DIAPH2: variants seen among roughly 807,000 people sequenced by gnomAD.
The protein encoded by DIAPH2 is diaphanous related formin 2.
DIAPH2 carries 35 observed loss-of-function variants against 92.7 expected under a neutral mutation model. That is an observed-to-expected ratio of 0.38 (90% CI 0.29 to 0.50). The LOEUF (loss-of-function observed/expected upper bound fraction) is 0.50, where lower values mean the gene tolerates loss of function less well. DIAPH2 is among the 20% of genes least tolerant of loss of function. The pLI is 0.94. For synonymous variants in DIAPH2, 301 were observed against 280.4 expected, an observed-to-expected ratio of 1.07 and a Z score of -0.73; for missense variants, 701 against 819.5, an observed-to-expected ratio of 0.86 and a Z score of 1.77.
chrX:97,280,029 G>T (rs1262660898), intron 23 of DIAPH2, among the ~76,000 whole-genome samples: 1 of 111,132 alleles, frequency 9.0e-6, no homozygotes, highest in Non-Finnish European at 1.9e-5. Flanking sequence ...TAAAATCCTG[G>T]AATTTTCTTT....
chrX:96,836,707 ATATATATATATTTTTTTTTTTT>A (rs1447018212), intron 4 of DIAPH2, among the ~76,000 whole-genome samples: 3 of 24,069 alleles, frequency 1.2e-4, no homozygotes, highest in African/African-American at 5.7e-4. Flanking sequence ...ATATATATAT[ATATATATATATTTTTTTTTTTT>A]TTTTTTTTTT....
chrX:97,413,292 C>G (rs896671104), intron 25 of DIAPH2, among the ~76,000 whole-genome samples: 5 of 110,877 alleles, frequency 4.5e-5, no homozygotes, highest in African/African-American at 6.6e-5. Flanking sequence ...TAAACAGAAC[C>G]AAAAACAAAA....
chrX:96,964,451 A>G (rs1034497484), intron 16 of DIAPH2, among the ~76,000 whole-genome samples: 2 of 111,296 alleles, frequency 1.8e-5, no homozygotes, highest in Non-Finnish European at 3.8e-5. Context: ...GTGTATTGGA[A>G]GATAAAGTTC....
chrX:97,002,866 G>A (rs2066153971), intron 17 of DIAPH2, among the ~76,000 whole-genome samples: 1 of 110,354 alleles, frequency 9.1e-6, no homozygotes, highest in South Asian at 3.9e-4. Flanking sequence ...TCACCCTCTT[G>A]TGCTATCAAA....
At chrX:96,904,585 A>C (rs2065420488) in intron 5 of DIAPH2, among the ~76,000 whole-genome samples, 1 of 111,720 alleles carries the variant, frequency 9.0e-6, no homozygotes, top group African/African-American at 3.2e-5. Context: ...TATTTAGCCG[A>C]ACAAATTTTC....
At chrX:97,186,529 C>T (rs1011555724) in intron 22 of DIAPH2, among the ~76,000 whole-genome samples, 1 of 111,880 alleles carries the variant, frequency 8.9e-6, no homozygotes, top group African/African-American at 3.2e-5. Flanking sequence ...AGTAGTTTGG[C>T]ATCAGTTATT....
At chrX:97,077,796 C>T (rs973568732) in intron 19 of DIAPH2, among the ~76,000 whole-genome samples, 2 of 111,951 alleles carry the variant, frequency 1.8e-5, no homozygotes, top group Non-Finnish European at 3.8e-5. Context: ...TAAATTTAAG[C>T]TAGAAAATGA....
intron 26 of DIAPH2, among the ~76,000 whole-genome samples, chrX:97,547,124 G>A (rs980641333): frequency 9.0e-6 from 1 of 111,566 alleles, no homozygotes; most frequent in Non-Finnish European, 1.9e-5. Flanking sequence ...TTGACATGAA[G>A]GAATGAGATC....
chrX:97,153,075 C>T (rs1034768173), intron 22 of DIAPH2, among the ~76,000 whole-genome samples: 3 of 111,636 alleles, frequency 2.7e-5, no homozygotes, highest in Non-Finnish European at 5.6e-5. Flanking sequence ...CCTATTTCCT[C>T]ATTTGTACAA....
intron 4 of DIAPH2, among the ~76,000 whole-genome samples, chrX:96,848,185 G>C (rs1056796304): frequency 9.0e-6 from 1 of 110,684 alleles, no homozygotes; most frequent in Non-Finnish European, 1.9e-5. Context: ...GAGAATAGGT[G>C]CACAACACCA....
At position 97,044,845 on chromosome X, in the gene DIAPH2, T is replaced by C. The variant is rs896050066; in HGVS notation, c.2051-28096T>C. 3.6e-5 allele frequency among the ~76,000 whole-genome samples: 4 copies of C among 111,692 alleles called. No homozygotes were observed. The Admixed American group carries it at 3.8e-4, about 11-fold the overall frequency. On this transcript the variant is annotated intron_variant, in intron 17 of 26. Coordinates refer to ENST00000324765, the MANE Select transcript of DIAPH2 (RefSeq NM_006729.5). ...TTCTATTAGTCACTGTCTTACATTG[T>C]CATCTCACTCTCAGTCCCTTCCGAT...
chrX:97,575,741 T>C (rs750749045), intron 26 of DIAPH2, among the ~76,000 whole-genome samples: 4 of 111,477 alleles, frequency 3.6e-5, no homozygotes, highest in African/African-American at 1.3e-4. Flanking sequence ...AAATGCAGAG[T>C]TGAGATCCAT....
In DIAPH2 at chrX:97,380,937, T is replaced by C. The variant is rs971229103; in HGVS notation, c.3010-2972T>C. 3.6e-5 allele frequency among the ~76,000 whole-genome samples: 4 copies of C among 111,709 alleles called. No individual in the cohort carries two copies. The Admixed American group carries it at 3.8e-4, about 11-fold the overall frequency. On this transcript the variant is annotated intron_variant, in intron 24 of 26. Transcript: ENST00000324765. ...AAAGATTACACATTGCCATTACAAA[T>C]TGTGATTGTTTTGTAGTTAAATCTA...
chrX:97,413,078 C>A (rs915454589), intron 25 of DIAPH2, among the ~76,000 whole-genome samples: 16 of 111,688 alleles, frequency 1.4e-4, no homozygotes, highest in African/African-American at 4.9e-4. Context: ...ATCCTGATAC[C>A]AAAGCCTGGC....
intron 21 of DIAPH2, among the ~76,000 whole-genome samples, chrX:97,133,567 G>A (rs376238509): frequency 2.7e-5 from 3 of 112,118 alleles, no homozygotes; most frequent in Non-Finnish European, 5.6e-5. Flanking sequence ...GATTATAGGC[G>A]TGAGCCACTA....
intron 15 of DIAPH2, among the ~76,000 whole-genome samples, chrX:96,952,591 C>T (rs779165820): frequency 3.8e-4 from 42 of 109,534 alleles, no homozygotes; most frequent in African/African-American, 1.3e-3. Context: ...AAAAATTAGC[C>T]GGGAGTGGTG....
intron 24 of DIAPH2, among the ~76,000 whole-genome samples, chrX:97,372,837 C>T (rs1386970803): frequency 9.0e-6 from 1 of 110,517 alleles, no homozygotes; most frequent in African/African-American, 3.3e-5. Context: ...ATTAGCTGGG[C>T]GTGGTGTCGC....
At chrX:96,743,006 TAC>T (rs1054338666) in intron 3 of DIAPH2, among the ~76,000 whole-genome samples, 2 of 112,749 alleles carry the variant, frequency 1.8e-5, no homozygotes, top group African/African-American at 6.4e-5. Context: ...GTACAACATT[TAC>T]AGTGTTTTTA....
Position 96,882,786 on chromosome X carries a change from G to A in DIAPH2, c.587+1068G>A, listed in dbSNP as rs186588149. 2.0e-4 allele frequency among the ~76,000 whole-genome samples: 21 copies of A among 107,224 alleles called. 1 individual carries two copies. Among genetic ancestry groups the A allele is most frequent in the Non-Finnish European group, 3.9e-5 (2 of 51,944 alleles). 93.1% of individuals were successfully genotyped at this position (107,224 alleles called of 115,157 possible). A position where few individuals can be genotyped will look rare whatever the true frequency, so the allele number is the denominator to read the frequency against. On this transcript the variant is annotated intron_variant, in intron 5 of 26. Transcript: ENST00000324765. ...AGCCTGGCCAACATGGTGAAACCCC[G>A]TCTCTACCAAAAATACAAAAAAGTC... is the stretch of plus-strand genomic sequence containing the variant.
Sources: allele counts gnomAD v4.1 joint callset (sites outside exome capture counted in the v4.1 genomes callset), GRCh38; gene constraint gnomAD v4.1.1; transcripts MANE v1.5; gene names NCBI Gene and HGNC (gene_info 2026-07-23, HGNC 2026-07-21).